SEC14L6: variants seen among roughly 807,000 people sequenced by gnomAD.
SEC14L6 encodes the protein SEC14-like protein 6.
A neutral mutation model predicts 54.1 loss-of-function variants in SEC14L6; 40 were observed. The ratio of observed to expected loss-of-function variants is 0.74; its 90% CI spans 0.57 to 0.96. The LOEUF is 0.96. SEC14L6 is among the 40% of genes least tolerant of loss of function. SEC14L6 has a pLI of 0.00. For missense variants in SEC14L6, 471 were observed against 498.3 expected, an observed-to-expected ratio of 0.95 and a Z score of 0.52; for synonymous variants, 171 against 198.4, an observed-to-expected ratio of 0.86 and a Z score of 1.16.
rs758143910 is a variant in SEC14L6, at chr22:30,525,753, G to C, written c.772-3C>G. 6.2e-7 allele frequency: 1 copy of C among 1,613,910 alleles called. No individual in the cohort carries two copies. The highest frequency in any genetic ancestry group is 1.1e-5 in the South Asian group (1 of 91,064). On this transcript the variant is annotated splice_polypyrimidine_tract_variant and splice_region_variant and intron_variant, in intron 9 of 11. Coordinates refer to ENST00000402034, the MANE Select transcript of SEC14L6 (RefSeq NM_001193336.4). ...GGCACCTCACCCCCGTAGTTGATCT[G>C]TGGGTGAAGGGGGTGTGTGGGCACT...
At chr22:30,535,413 A>G (rs1317275583) in intron 2 of SEC14L6, among the ~76,000 whole-genome samples, 1 of 152,242 alleles carries the variant, frequency 6.6e-6, no homozygotes, top group Admixed American at 6.5e-5. Flanking sequence ...CTTGGGGAGT[A>G]GTTCTCACAT....
chr22:30,528,209 G>A (rs909782712), intron 8 of SEC14L6, among the ~76,000 whole-genome samples: 8 of 139,262 alleles, frequency 5.7e-5, no homozygotes, highest in African/African-American at 1.9e-4. Flanking sequence ...TGCAACCTCC[G>A]CTTCCCGGGT....
intron 8 of SEC14L6, among the ~76,000 whole-genome samples, chr22:30,526,904 TGG>T (rs1468201571): frequency 6.6e-6 from 1 of 152,030 alleles, no homozygotes; most frequent in Non-Finnish European, 1.5e-5. Flanking sequence ...GAGACTAGTC[TGG>T]GTAACATAGT....
At chr22:30,544,580 C>T (rs1307911885) in intron 1 of SEC14L6, among the ~76,000 whole-genome samples, 4 of 152,184 alleles carry the variant, frequency 2.6e-5, no homozygotes, top group African/African-American at 9.7e-5. Context: ...AACTCTGGAA[C>T]CCATATCCAG....
intron 1 of SEC14L6, among the ~76,000 whole-genome samples, chr22:30,540,610 G>A (rs2085687636): frequency 6.6e-6 from 1 of 151,782 alleles, no homozygotes; most frequent in Admixed American, 6.6e-5. Flanking sequence ...CAGCTACTTG[G>A]GAGGCTGTGG....
intron 1 of SEC14L6, chr22:30,542,521 C>T (rs1451175566): frequency 7.5e-6 from 7 of 928,990 alleles, no homozygotes; most frequent in Non-Finnish European, 1.0e-5. Context: ...TGGGCAGCCC[C>T]GGCGGCGCTT....
chr22:30,528,977 A>G, intron 8 of SEC14L6, 110 bp downstream of exon 8: 1 of 949,694 alleles, frequency 1.1e-6, no homozygotes, highest in East Asian at 2.7e-5. Context: ...GGCCCTCAAC[A>G]CCAGTTGGGT....
rs967963551 is a variant in SEC14L6 at position 30,543,302 on chromosome 22, A to G, written c.54+3327T>C. ...GGGGACTCTTTTCGTGGGACTGCCA[A>G]CTTGTCTGAGACTATCCAAGTTCCA... On this transcript the variant is annotated intron_variant, in intron 1 of 11. Transcript: ENST00000402034. 1.9e-6 allele frequency: 3 copies of G among 1,577,226 alleles called. No individual in the cohort carries two copies. The African/African-American group carries it at 4.0e-5, about 21-fold the overall frequency.
intron 1 of SEC14L6, chr22:30,544,327 T>A (rs779463160): frequency 7.9e-6 from 3 of 380,002 alleles, no homozygotes; most frequent in Non-Finnish European, 1.5e-5. Context: ...GGAACCGACC[T>A]GGGAAGCGGC....
chr22:30,539,772 G>A (rs977195441), intron 1 of SEC14L6, among the ~76,000 whole-genome samples: 2 of 152,224 alleles, frequency 1.3e-5, no homozygotes, highest in Non-Finnish European at 1.5e-5. Context: ...TGACTTAGAA[G>A]CCTTCAATGT....
chr22:30,532,026 C>T (rs1205565291), intron 5 of SEC14L6, 28 bp from the exon 6 acceptor site: 2 of 1,545,872 alleles, frequency 1.3e-6, no homozygotes, highest in Non-Finnish European at 1.7e-6. Flanking sequence ...GGGGTGAGAC[C>T]CTGTGAGGGC....
Position 30,524,819 on chromosome 22 carries a change from C to T in SEC14L6, c.*178G>A. The T allele has an allele frequency of 1.7e-6, 1 of 581,576 alleles. No individual in the cohort carries two copies. Among genetic ancestry groups the T allele is most frequent in the South Asian group, 2.0e-5 (1 of 50,474 alleles). 36.0% of individuals were successfully genotyped at this position (581,576 alleles called of 1,614,324 possible). ...TGCTTTGCTGTGACCATCGGGCCAC[C>T]ACTAGGACACTGTCCCAGCCGTTCC... On this transcript the variant is annotated 3_prime_UTR_variant, in exon 12 of 12. Transcript: ENST00000402034.
intron 1 of SEC14L6, chr22:30,544,038 G>C: frequency 6.4e-7 from 1 of 1,557,016 alleles, no homozygotes; most frequent in East Asian, 2.2e-5. Context: ...CCAAGCCCGA[G>C]CTGTCCTTCT....
chr22:30,538,335 C>CAA (rs112815330), intron 2 of SEC14L6, among the ~76,000 whole-genome samples: 186 of 92,954 alleles, frequency 2.0e-3, no homozygotes, highest in African/African-American at 6.5e-3. Context: ...TCCGTCTCAA[C>CAA]AAAAAAAAAA....
chr22:30,529,034 C>T, intron 8 of SEC14L6, 53 bp downstream of exon 8: 2 of 1,425,992 alleles, frequency 1.4e-6, no homozygotes, highest in Non-Finnish European at 1.9e-6. Context: ...TGAGAAGGAC[C>T]ACCCTCAGCT....
chr22:30,532,355 A>G (rs1937006552), intron 5 of SEC14L6, 170 bp downstream of exon 5: 1 of 937,192 alleles, frequency 1.1e-6, no homozygotes, highest in Non-Finnish European at 1.3e-6. Context: ...GTTCAGCCAC[A>G]TACTGTGTGG....
At position 30,529,351 on chromosome 22, in the gene SEC14L6, T is replaced by A; in HGVS notation, c.520-2A>T. The A allele has an allele frequency of 1.9e-6, 3 of 1,550,388 alleles. No homozygotes were observed. The highest frequency in any genetic ancestry group is 2.6e-6 in the Non-Finnish European group (3 of 1,146,808). ...ATTTGCTTCAAGTGCTGAGAAAAAC[T>A]GCGGAACCAAGTGGCAGAAGTGATG... On this transcript the variant is annotated splice_acceptor_variant, in intron 6 of 11. Coordinates refer to ENST00000402034, the MANE Select transcript of SEC14L6 (RefSeq NM_001193336.4). LOFTEE classifies it high-confidence loss of function.
Position 30,532,659 on chromosome 22 carries a change from G to C in SEC14L6, c.289C>G (p.Pro97Ala). The C allele has an allele frequency of 6.4e-7, 1 of 1,551,100 alleles. No homozygotes were observed. Among genetic ancestry groups the C allele is most frequent in the Non-Finnish European group, 8.7e-7 (1 of 1,147,208 alleles). ...GICGHDGEGS[P>A]VWYHIVGSLD... ...CTTCCCACAATGTGGTACCAGACAG[G>C]GCTGCCCTCACCGTCGTGGCCGCAT... Residue 97 changes from proline to alanine, a missense_variant, in exon 5 of 12, where the codon CCT becomes GCT. Transcript: ENST00000402034.
At chr22:30,546,384 A>C (rs2085798077) in intron 1 of SEC14L6, among the ~76,000 whole-genome samples, 1 of 101,360 alleles carries the variant, frequency 9.9e-6, no homozygotes, top group Non-Finnish European at 2.1e-5. Context: ...ACTCCGTCTC[A>C]AAAAAAAAAA....
Sources: allele counts gnomAD v4.1 joint callset (sites outside exome capture counted in the v4.1 genomes callset), GRCh38; gene constraint gnomAD v4.1.1; transcripts MANE v1.5; gene names NCBI Gene and HGNC (gene_info 2026-07-23, HGNC 2026-07-21).